The following FN3K variants were observed in gnomAD, a reference collection of about 807,000 sequenced individuals.
FN3K encodes fructosamine-3-kinase.
In FN3K, 24 loss-of-function variants were observed where a neutral mutation model predicts 24.8. The observed-to-expected ratio is 0.97, with a 90% CI of 0.70 to 1.36. The LOEUF (loss-of-function observed/expected upper bound fraction) is 1.36, where lower values mean the gene tolerates loss of function less well. Among genes scored for constraint, FN3K ranks in the 40% most tolerant of loss-of-function variants. The pLI is 0.00. For synonymous variants in FN3K, 192 were observed against 175.2 expected (o/e 1.10, Z -0.76); for missense variants, 449 against 416.7 (o/e 1.08, Z -0.67).
intron 4 of FN3K, among the ~76,000 whole-genome samples, chr17:82,746,108 A>AC (rs1359636998): frequency 6.6e-6 from 1 of 151,366 alleles, no homozygotes; most frequent in Non-Finnish European, 1.5e-5. Flanking sequence ...AAAAAAAAAA[A>AC]AAAACTACCA....
chr17:82,738,947 T>TATATACACGTGTATATATATATATATATA (rs1491164859), intron 2 of FN3K, among the ~76,000 whole-genome samples: 1 of 65,284 alleles, frequency 1.5e-5, no homozygotes, highest in Non-Finnish European at 3.1e-5. Context: ...TATATATATA[T>TATATACACGTGTATATATATATATATATA]TTTTTTTTTT....
At chr17:82,740,946 A>T in intron 3 of FN3K, 92 bp downstream of exon 3, 1 of 840,044 alleles carries the variant, frequency 1.2e-6, no homozygotes, top group Non-Finnish European at 2.1e-6. Flanking sequence ...CATTTCAATA[A>T]TAGGTTGAGT....
chr17:82,739,722 G>T (rs931881505), intron 2 of FN3K, among the ~76,000 whole-genome samples: 1 of 152,074 alleles, frequency 6.6e-6, no homozygotes, highest in Non-Finnish European at 1.5e-5. Flanking sequence ...CTCCCAAAGT[G>T]CTGGGATTAT....
At position 82,740,771 on chromosome 17, in the gene FN3K, C is replaced by T; in HGVS notation, c.302C>T (p.Ser101Leu). ...ATTTCTTCTTTCCTCAGTCAAGCAT[C>T]AAAACTTGGAGAGCAGATGGCAGAT... ...LKMKSLSSQA[S>L]KLGEQMADLH... The change falls in exon 3 of 6, where the codon TCA becomes TTA. Residue 101 changes from serine to leucine, a missense_variant. Ser to Leu is a moderately radical substitution (Grantham distance 145). Transcript: ENST00000300784. 1 of 1,612,818 alleles carries T rather than the reference C, an allele frequency of 6.2e-7. No individual in the cohort carries two copies. The highest frequency in any genetic ancestry group is 8.5e-7 in the Non-Finnish European group (1 of 1,179,010).
At position 82,740,758 on chromosome 17, in the gene FN3K, C is replaced by T. The variant is rs776513213; in HGVS notation, c.294-5C>T. ...TTTAATTAGCTGCATTTCTTCTTTC[C>T]TCAGTCAAGCATCAAAACTTGGAGA... On this transcript the variant is annotated splice_region_variant and splice_polypyrimidine_tract_variant and intron_variant, in intron 2 of 5. Coordinates refer to ENST00000300784, the MANE Select transcript of FN3K (RefSeq NM_022158.4). 2 of 1,607,344 alleles carry T rather than the reference C, an allele frequency of 1.2e-6. No homozygotes were observed. Among genetic ancestry groups the T allele is most frequent in the South Asian group, 1.1e-5 (1 of 90,798 alleles).
rs374554351 is a variant in FN3K, at chr17:82,748,890, C to T, written c.504C>T (p.Phe168=). The change falls in exon 5 of 6, where the codon TTC becomes TTT. Residue 168 remains phenylalanine, a synonymous_variant. Coordinates refer to ENST00000300784, the MANE Select transcript of FN3K (RefSeq NM_022158.4). ...GGCAGGATGACTGGCCGACCTTTTTCGCCCGGCACCGGCTCCAGGCGCAGC... is the reference window on the plus strand; with the variant it reads ...GGCAGGATGACTGGCCGACCTTTTTTGCCCGGCACCGGCTCCAGGCGCAGC... ...NEWQDDWPTF[F]ARHRLQAQLD... The T allele has an allele frequency of 6.4e-4, 1,031 of 1,613,604 alleles. 9 individuals are homozygous for T. The African/African-American group carries it at 0.011, about 18-fold the overall frequency.
At chr17:82,742,801 T>C (rs1419825174) in intron 4 of FN3K, 1 of 443,896 alleles carries the variant, frequency 2.3e-6, no homozygotes, top group East Asian at 7.1e-5. Flanking sequence ...AAGTCACTGC[T>C]TCTTGAAGAG....
intron 4 of FN3K, among the ~76,000 whole-genome samples, chr17:82,741,866 C>T (rs2046942741): frequency 6.6e-6 from 1 of 152,174 alleles, no homozygotes; most frequent in African/African-American, 2.4e-5. Context: ...GGTGTGCAAC[C>T]ATCACTGCTG....
chr17:82,742,586 T>G, intron 4 of FN3K: 1 of 401,600 alleles, frequency 2.5e-6, no homozygotes, highest in Non-Finnish European at 4.9e-6. Flanking sequence ...TTCCATTCTA[T>G]GGCTAGGCCA....
intron 2 of FN3K, among the ~76,000 whole-genome samples, chr17:82,738,970 T>C (rs2046924781): frequency 8.0e-6 from 1 of 124,248 alleles, no homozygotes; most frequent in African/African-American, 3.5e-5. Context: ...TGAAACACAG[T>C]CTCGCTCTGT....
At chr17:82,741,973 T>C (rs1306891176) in intron 4 of FN3K, among the ~76,000 whole-genome samples, 1 of 152,182 alleles carries the variant, frequency 6.6e-6, no homozygotes, top group Non-Finnish European at 1.5e-5. Context: ...AATGGCACGA[T>C]CTCGACCCAC....
intron 1 of FN3K, 193 bp downstream of exon 1, chr17:82,735,970 T>A: frequency 1.4e-6 from 1 of 700,098 alleles, no homozygotes; most frequent in Non-Finnish European, 2.3e-6. Context: ...ATCCGTGACC[T>A]TCCTTTGGCC....
At chr17:82,742,567 T>G in intron 4 of FN3K, 1 of 376,462 alleles carries the variant, frequency 2.7e-6, no homozygotes, top group South Asian at 2.0e-5. Context: ...CTTTTATGGC[T>G]GAATAATATT....
chr17:82,745,052 C>CT (rs1199504374), intron 4 of FN3K: 1 of 152,196 alleles, frequency 6.6e-6, no homozygotes, highest in East Asian at 1.9e-4. Context: ...TCCTCTTATA[C>CT]TAATCCTCCT....
At position 82,735,632 on chromosome 17, in the gene FN3K, A is replaced by G. The variant is rs1218855064; in HGVS notation, c.-5A>G. The G allele has an allele frequency of 4.6e-6, 7 of 1,519,048 alleles. No homozygotes were observed. Among genetic ancestry groups the G allele is most frequent in the African/African-American group, 1.4e-5 (1 of 69,476 alleles). 94.1% of individuals were successfully genotyped at this position (1,519,048 alleles called of 1,614,324 possible). On this transcript the variant is annotated 5_prime_UTR_variant, in exon 1 of 6. Transcript: ENST00000300784. ...GAGCGAGCAGAGTCCCGCGCCCCGC[A>G]CTCCATGGAGCAGCTGCTGCGCGCC...
At position 82,735,742 on chromosome 17, in the gene FN3K, G is replaced by T. The variant is rs1188979012; in HGVS notation, c.106G>T (p.Gly36Cys). The change falls in exon 1 of 6, where the codon GGC (glycine) becomes TGC (cysteine). Residue 36 changes from glycine (G) to cysteine (C), a missense_variant. Transcript: ENST00000300784. Reference sequence around the variant, plus strand: ...GGGCCGAGCCTACGACACGGACGCAGGCCCAGTGTTCGTCAAAGTCAACCG... The same window carrying T: ...GGGCCGAGCCTACGACACGGACGCATGCCCAGTGTTCGTCAAAGTCAACCG... Reference protein sequence around the residue: ...SEGRAYDTDAGPVFVKVNRRT... With the variant: ...SEGRAYDTDACPVFVKVNRRT... 1.9e-5 allele frequency: 29 copies of T among 1,562,386 alleles called. No homozygotes were observed. The highest frequency in any genetic ancestry group is 2.5e-5 in the Non-Finnish European group (29 of 1,155,514).
At chr17:82,738,711 G>A in intron 2 of FN3K, 71 bp downstream of exon 2, 3 of 1,583,484 alleles carry the variant, frequency 1.9e-6, no homozygotes, top group Non-Finnish European at 8.7e-7. Flanking sequence ...AACAGAGAGA[G>A]ACAGAGAAAG....
intron 4 of FN3K, among the ~76,000 whole-genome samples, chr17:82,748,509 T>G: frequency 6.6e-6 from 1 of 152,128 alleles, no homozygotes; most frequent in Non-Finnish European, 1.5e-5. Flanking sequence ...AAGCTTTTTT[T>G]TTTTTTAGTA....
intron 4 of FN3K, among the ~76,000 whole-genome samples, chr17:82,746,236 T>C (rs1307396954): frequency 6.6e-6 from 1 of 152,174 alleles, no homozygotes; most frequent in African/African-American, 2.4e-5. Context: ...ACAGCCATCC[T>C]AGTGGGCGTG....
Sources: allele counts gnomAD v4.1 joint callset (sites outside exome capture counted in the v4.1 genomes callset), GRCh38; gene constraint gnomAD v4.1.1; transcripts MANE v1.5; gene names NCBI Gene and HGNC (gene_info 2026-07-23, HGNC 2026-07-21).